The following PARD6G variants were observed in gnomAD, a reference collection of about 807,000 sequenced individuals.
PARD6G encodes the protein par-6 family cell polarity regulator gamma.
PARD6G carries 7 observed loss-of-function variants against 10.7 expected under a neutral mutation model. The observed-to-expected ratio is 0.66, with a 90% CI of 0.37 to 1.23. The LOEUF is 1.23. Ranked by LOEUF, PARD6G falls within the 50% of genes most tolerant of loss-of-function variation. The probability of loss-of-function intolerance (pLI) is 0.02; values close to 1 mark genes in which losing one functional copy is unlikely to be tolerated. For synonymous variants in PARD6G, 287 were observed against 269.4 expected (o/e 1.07, Z -0.64); for missense variants, 548 against 571.8 (o/e 0.96, Z 0.42).
At chr18:80,205,662 T>G (rs1967047727) in intron 1 of PARD6G, among the ~76,000 whole-genome samples, 1 of 152,202 alleles carries the variant, frequency 6.6e-6, no homozygotes, top group Non-Finnish European at 1.5e-5. Flanking sequence ...TCTTGCCTTC[T>G]GCCATGAGTA....
intron 1 of PARD6G, among the ~76,000 whole-genome samples, chr18:80,235,595 A>C (rs1053636747): frequency 3.0e-4 from 45 of 152,334 alleles, no homozygotes; most frequent in African/African-American, 1.1e-3. Flanking sequence ...AAGATCAACA[A>C]AATTGATAGA....
chr18:80,203,698 G>C (rs1382449734), intron 1 of PARD6G, among the ~76,000 whole-genome samples: 2 of 152,198 alleles, frequency 1.3e-5, no homozygotes, highest in Non-Finnish European at 2.9e-5. Context: ...AGGCAGGAGA[G>C]GACGCAAGGC....
At chr18:80,222,095 T>C (rs1354261018) in intron 1 of PARD6G, among the ~76,000 whole-genome samples, 1 of 150,722 alleles carries the variant, frequency 6.6e-6, no homozygotes, top group East Asian at 1.9e-4. Flanking sequence ...TCTTTTTTCT[T>C]TTTTTTTTAA....
rs138416961 is a variant in PARD6G, at chr18:80,227,577, A to G, written c.72+19700T>C. On this transcript the variant is annotated intron_variant, in intron 1 of 2. Transcript: ENST00000353265. ...AAAGGCTTTGCTTCCAAATGACTCAAGAAGGAAGCACTGAATTGCTCTGAC... is the reference window on the plus strand; with the variant it reads ...AAAGGCTTTGCTTCCAAATGACTCAGGAAGGAAGCACTGAATTGCTCTGAC... Among the ~76,000 whole-genome samples the G allele has an allele frequency of 3.3e-4, 50 of 152,378 alleles. 1 individual carries two copies. The East Asian group carries it at 8.9e-3, about 27-fold the overall frequency.
rs2052856837 is a variant in PARD6G at position 80,183,237 on chromosome 18, C to A, written c.295+19473G>T. 2.9e-6 allele frequency: 2 copies of A among 701,174 alleles called. No individual in the cohort carries two copies. The highest frequency in any genetic ancestry group is 5.2e-6 in the Non-Finnish European group (2 of 383,962). 43.4% of individuals were successfully genotyped at this position (701,174 alleles called of 1,614,324 possible). A position where few individuals can be genotyped will look rare whatever the true frequency, so the allele number is the denominator to read the frequency against. On this transcript the variant is annotated intron_variant, in intron 2 of 2. Coordinates refer to ENST00000353265, the MANE Select transcript of PARD6G (RefSeq NM_032510.4). The surrounding 1 kb of genome is among the most constrained non-coding windows in gnomAD (Gnocchi z 4.5). ...GCCAGAGAGACTTCTGCAAAACAAG[C>A]TGCAGATAGGCATGGAGAAGAGCAA...
rs369128345 is a variant in PARD6G, at chr18:80,159,987, G to A, written c.915C>T (p.Gly305=). Residue 305 remains glycine (G), a synonymous_variant, in exon 3 of 3, where the codon GGC becomes GGT. Transcript: ENST00000353265. The part of the protein sequence containing the change: ...SDEDNDVVIE[G]TLEPARPPQT... ...GGGGGGGACGTGCAGGCTCCAGTGT[G>A]CCCTCGATGACGACGTCGTTGTCCT... 6.6e-6 allele frequency: 10 copies of A among 1,507,852 alleles called. No homozygotes were observed. The highest frequency in any genetic ancestry group is 7.9e-6 in the Non-Finnish European group (9 of 1,136,022). 93.4% of individuals were successfully genotyped at this position (1,507,852 alleles called of 1,614,324 possible).
At chr18:80,218,792 A>G (rs1299189504) in intron 1 of PARD6G, among the ~76,000 whole-genome samples, 1 of 152,214 alleles carries the variant, frequency 6.6e-6, no homozygotes, top group Non-Finnish European at 1.5e-5. Flanking sequence ...CTGCCTGAAC[A>G]TCCAGGCCTT....
chr18:80,186,321 A>C (rs2052877301), intron 2 of PARD6G, among the ~76,000 whole-genome samples: 2 of 135,694 alleles, frequency 1.5e-5, no homozygotes, highest in South Asian at 5.0e-4. Flanking sequence ...GCACCCTCAC[A>C]TGCTTGCACA....
chr18:80,229,674 T>G (rs558557993), intron 1 of PARD6G, among the ~76,000 whole-genome samples: 16 of 152,262 alleles, frequency 1.1e-4, no homozygotes, highest in African/African-American at 3.6e-4. Context: ...GAGCCAGAAG[T>G]TAGACAGTAA....
intron 1 of PARD6G, among the ~76,000 whole-genome samples, chr18:80,210,072 T>C (rs1406745035): frequency 2.0e-5 from 3 of 152,140 alleles, no homozygotes; most frequent in African/African-American, 7.2e-5. Context: ...TTGGAGCCAG[T>C]TGCGATAAAA....
Position 80,244,442 on chromosome 18 carries a change from T to C in PARD6G, c.72+2835A>G, listed in dbSNP as rs189253450. Among the ~76,000 whole-genome samples the C allele has an allele frequency of 6.5e-3, 993 of 152,184 alleles. 7 individuals carry two copies. Among genetic ancestry groups the C allele is most frequent in the Non-Finnish European group, 9.3e-3 (635 of 68,004 alleles). On this transcript the variant is annotated intron_variant, in intron 1 of 2. Coordinates refer to ENST00000353265, the MANE Select transcript of PARD6G (RefSeq NM_032510.4). ...GGCCCCTCGCGCACACACACCAGGG[T>C]CCTGTCCCTAAGCACTGGGGACTGA...
intron 1 of PARD6G, among the ~76,000 whole-genome samples, chr18:80,235,360 T>G (rs1212928313): frequency 6.6e-6 from 1 of 151,246 alleles, no homozygotes; most frequent in African/African-American, 2.4e-5. Flanking sequence ...TTCAAAGCAG[T>G]GTGTAGAGGG....
At chr18:80,164,923 C>T (rs943320577) in intron 2 of PARD6G, among the ~76,000 whole-genome samples, 2 of 152,214 alleles carry the variant, frequency 1.3e-5, no homozygotes, top group Admixed American at 6.5e-5. Context: ...AGATCACATG[C>T]TTCTGAGGGA....
intron 2 of PARD6G, among the ~76,000 whole-genome samples, chr18:80,193,849 C>T (rs1048983161): frequency 3.3e-5 from 5 of 152,178 alleles, no homozygotes; most frequent in Non-Finnish European, 7.3e-5. Flanking sequence ...CCAACTCCAA[C>T]AGCACCTCTC....
rs996574272 is a variant in PARD6G at position 80,157,559 on chromosome 18, A to C, written c.*2212T>G. ...TTCAAGAATCAGCAATAACTTAGTA[A>C]AAGAACATTTCCTTTGTGAGGGTAA... On this transcript the variant is annotated 3_prime_UTR_variant, in exon 3 of 3. Transcript: ENST00000353265. The C allele has an allele frequency of 6.6e-6, 1 of 152,238 alleles. No individual in the cohort carries two copies. The highest frequency in any genetic ancestry group is 2.1e-4 in the South Asian group (1 of 4,836). 9.4% of individuals were successfully genotyped at this position (152,238 alleles called of 1,614,324 possible).
chr18:80,246,752 T>C lies in PARD6G; in HGVS notation c.72+525A>G, dbSNP rs919791633. Among the ~76,000 whole-genome samples, 6 of 151,678 alleles carry C rather than the reference T, an allele frequency of 4.0e-5. No homozygotes were observed. Among genetic ancestry groups the C allele is most frequent in the African/African-American group, 1.5e-4 (6 of 41,250 alleles). ...CGGGGGAGCGCGCCTGGTGCCTAGA[T>C]GTTTGGTACCGAGCGGGTGGGGGAC... On this transcript the variant is annotated intron_variant, in intron 1 of 2. Coordinates refer to ENST00000353265, the MANE Select transcript of PARD6G (RefSeq NM_032510.4). The surrounding 1 kb of genome is among the most constrained non-coding windows in gnomAD (Gnocchi z 6.7).
intron 2 of PARD6G, among the ~76,000 whole-genome samples, chr18:80,167,746 C>T (rs1253021110): frequency 6.6e-6 from 1 of 152,078 alleles, no homozygotes; most frequent in Non-Finnish European, 1.5e-5. Context: ...AGTGTATCCC[C>T]TCATGGTGCA....
At chr18:80,215,794 A>G (rs1967158879) in intron 1 of PARD6G, among the ~76,000 whole-genome samples, 1 of 152,216 alleles carries the variant, frequency 6.6e-6, no homozygotes, top group Non-Finnish European at 1.5e-5. Flanking sequence ...TGAATTCAAC[A>G]TTCTAATAGA....
Position 80,181,203 on chromosome 18 carries a change from G to A in PARD6G, c.296-20597C>T, listed in dbSNP as rs753795060. ...CAGACAAGCCCTGCGTACACTGACC[G>A]TAGACTGGTGTGTGCACCAAGCATG... On this transcript the variant is annotated intron_variant, in intron 2 of 2. Transcript: ENST00000353265. The surrounding 1 kb of genome is among the most constrained non-coding windows in gnomAD (Gnocchi z 7.9). Among the ~76,000 whole-genome samples the A allele has an allele frequency of 2.0e-5, 3 of 152,156 alleles. No homozygotes were observed. The highest frequency in any genetic ancestry group is 7.2e-5 in the African/African-American group (3 of 41,412).
Sources: allele counts gnomAD v4.1 joint callset (sites outside exome capture counted in the v4.1 genomes callset), GRCh38; gene constraint gnomAD v4.1.1; non-coding constraint Gnocchi (gnomAD v3.1); transcripts MANE v1.5; gene names NCBI Gene and HGNC (gene_info 2026-07-23, HGNC 2026-07-21).